Variants in NHSL1 observed in about 807,000 individuals in gnomAD.
NHSL1 encodes the protein NHS like 1, also known as NHS-like protein 1.
A neutral mutation model predicts 95.0 loss-of-function variants in NHSL1; 48 were observed. The observed-to-expected ratio is 0.51, with a 90% CI of 0.40 to 0.64. NHSL1 has a LOEUF of 0.64. Among genes scored for constraint, NHSL1 ranks in the 30% least tolerant of loss-of-function variants. The pLI is 0.00. For missense variants in NHSL1, 1,971 were observed against 2,077.7 expected, an observed-to-expected ratio of 0.95 and a Z score of 1.00; for synonymous variants, 783 against 833.9, an observed-to-expected ratio of 0.94 and a Z score of 1.05.
intron 1 of NHSL1, among the ~76,000 whole-genome samples, chr6:138,626,975 A>G (rs1784748457): frequency 6.6e-6 from 1 of 151,420 alleles, no homozygotes; most frequent in South Asian, 2.1e-4. Context: ...ACATTACTGT[A>G]TATCATATAC....
At chr6:138,599,940 G>A (rs769269545) in intron 1 of NHSL1, among the ~76,000 whole-genome samples, 1 of 151,944 alleles carries the variant, frequency 6.6e-6, no homozygotes, top group Non-Finnish European at 1.5e-5. Flanking sequence ...TCAGGAGTTC[G>A]AGACCAGCCT....
In NHSL1 at chr6:138,430,696, C is replaced by T. The variant is rs768555192; in HGVS notation, c.3649G>A (p.Ala1217Thr). ...PPQKDFAVEPAENVSEALRAV... is the reference protein window; with the variant it reads ...PPQKDFAVEPTENVSEALRAV... The stretch of plus-strand genomic sequence containing the variant: ...CGGAGGGCTTCGCTCACGTTCTCTG[C>T]GGGCTCCACTGCAAAATCTTTCTGC... Residue 1217 changes from alanine (A) to threonine (T), a missense_variant, in exon 6 of 8, where the codon GCA becomes ACA. This residue lies in a region of NHSL1 where 1,602 missense variants were observed against 1,654.5 expected (regional missense o/e 0.97). Transcript: ENST00000343505. The surrounding 1 kb of genome is among the most constrained non-coding windows in gnomAD (Gnocchi z 4.7). 33 of 1,551,720 alleles carry T rather than the reference C, an allele frequency of 2.1e-5. No individual in the cohort carries two copies. In the Middle Eastern group the frequency reaches 2.3e-3, roughly 110 times the overall value.
At chr6:138,446,620 G>A (rs974226646) in intron 4 of NHSL1, among the ~76,000 whole-genome samples, 8 of 151,966 alleles carry the variant, frequency 5.3e-5, no homozygotes, top group African/African-American at 1.2e-4. Context: ...ATTTACTTCT[G>A]TAAATATTAC....
intron 1 of NHSL1, among the ~76,000 whole-genome samples, chr6:138,580,371 T>C (rs1455139083): frequency 2.0e-5 from 3 of 152,180 alleles, no homozygotes; most frequent in Non-Finnish European, 2.9e-5. Flanking sequence ...AAACAAGTAG[T>C]AGGCCTGAGT....
intron 1 of NHSL1, among the ~76,000 whole-genome samples, chr6:138,562,449 C>G (rs533433416): frequency 6.6e-6 from 1 of 152,210 alleles, no homozygotes; most frequent in African/African-American, 2.4e-5. Context: ...GAGTTTGAGA[C>G]CAGCCTGGCC....
chr6:138,511,926 G>A (rs545716564), intron 1 of NHSL1, among the ~76,000 whole-genome samples: 1 of 152,286 alleles, frequency 6.6e-6, no homozygotes, highest in South Asian at 2.1e-4. Flanking sequence ...AGATATCTGA[G>A]GGAGAAAATA....
At chr6:138,464,900 A>G (rs1341967059) in intron 3 of NHSL1, among the ~76,000 whole-genome samples, 1 of 151,440 alleles carries the variant, frequency 6.6e-6, no homozygotes, top group Non-Finnish European at 1.5e-5. Context: ...TTTAGTAGAG[A>G]CAGGGTTTCA....
intron 1 of NHSL1, among the ~76,000 whole-genome samples, chr6:138,642,099 T>C (rs1414610354): frequency 6.6e-6 from 1 of 152,162 alleles, no homozygotes; most frequent in Non-Finnish European, 1.5e-5. Flanking sequence ...AAATCAATTT[T>C]TAAAAATAAG....
chr6:138,658,134 C>G (rs1420054098), intron 1 of NHSL1, among the ~76,000 whole-genome samples: 3 of 152,100 alleles, frequency 2.0e-5, no homozygotes, highest in Non-Finnish European at 4.4e-5. Flanking sequence ...CTCTCCACCT[C>G]CTCCTCTGCC....
chr6:138,562,674 AT>A (rs1783458672), intron 1 of NHSL1, among the ~76,000 whole-genome samples: 2 of 151,662 alleles, frequency 1.3e-5, no homozygotes, highest in African/African-American at 4.9e-5. Flanking sequence ...ACACAAAAAA[AT>A]ATATAGCCTA....
intron 3 of NHSL1, among the ~76,000 whole-genome samples, chr6:138,458,444 C>T (rs1343530858): frequency 6.6e-6 from 1 of 152,308 alleles, no homozygotes; most frequent in East Asian, 1.9e-4. Flanking sequence ...ATAATCCCAG[C>T]ACTTTGGGAG....
intron 1 of NHSL1, among the ~76,000 whole-genome samples, chr6:138,687,955 CTTT>C (rs71549004): frequency 1.8e-4 from 27 of 148,640 alleles, no homozygotes; most frequent in African/African-American, 6.1e-4. Context: ...AAATTGTACA[CTTT>C]TTTTTTTTGG....
At chr6:138,518,476 ATTT>A (rs79456955) in intron 1 of NHSL1, among the ~76,000 whole-genome samples, 12 of 137,028 alleles carry the variant, frequency 8.8e-5, no homozygotes, top group Non-Finnish European at 1.1e-4. Context: ...CACAGGAATG[ATTT>A]TTTTTTTTTT....
upstream of NHSL1, among the ~76,000 whole-genome samples, chr6:138,549,105 C>T (rs977978986): frequency 3.9e-5 from 6 of 152,132 alleles, no homozygotes; most frequent in African/African-American, 1.2e-4. Context: ...AAAATGGAGT[C>T]GGGCATGGTG....
intron 1 of NHSL1, among the ~76,000 whole-genome samples, chr6:138,515,643 A>G (rs1177241952): frequency 1.3e-5 from 2 of 152,206 alleles, no homozygotes; most frequent in African/African-American, 2.4e-5. Context: ...TAAACTATCT[A>G]TTTCTTGTCC....
At chr6:138,683,225 C>T (rs1274900821) in intron 1 of NHSL1, among the ~76,000 whole-genome samples, 3 of 152,240 alleles carry the variant, frequency 2.0e-5, no homozygotes, top group African/African-American at 7.2e-5. Context: ...TATACTTTCA[C>T]ATGCCTGTGC....
intron 1 of NHSL1, among the ~76,000 whole-genome samples, chr6:138,661,584 C>A (rs1309088360): frequency 6.6e-6 from 1 of 151,414 alleles, no homozygotes; most frequent in East Asian, 1.9e-4. Flanking sequence ...ATCGTTGGAG[C>A]CCCGGAAGTC....
At chr6:138,582,117 GAACTC>G (rs935776641) in intron 1 of NHSL1, among the ~76,000 whole-genome samples, 9 of 151,874 alleles carry the variant, frequency 5.9e-5, no homozygotes, top group African/African-American at 2.2e-4. Flanking sequence ...GGCTGGTCTG[GAACTC>G]CTGACCTCAA....
chr6:138,472,165 G>C (rs1035075118), intron 3 of NHSL1, among the ~76,000 whole-genome samples: 1 of 132,248 alleles, frequency 7.6e-6, no homozygotes, highest in Non-Finnish European at 1.5e-5. Flanking sequence ...CTGGGCGACA[G>C]AGCAAGCAAG....
Sources: allele counts gnomAD v4.1 joint callset (sites outside exome capture counted in the v4.1 genomes callset), GRCh38; gene constraint gnomAD v4.1.1; regional missense constraint gnomAD v4.1.1; non-coding constraint Gnocchi (gnomAD v3.1); transcripts MANE v1.5; gene names NCBI Gene and HGNC (gene_info 2026-07-23, HGNC 2026-07-21).